HMCN2: variants seen among roughly 807,000 people sequenced by gnomAD.
The protein encoded by HMCN2 is hemicentin-2.
HMCN2 carries 325 observed loss-of-function variants against 377.5 expected under a neutral mutation model. That is an observed-to-expected ratio of 0.86 (90% CI 0.79 to 0.94). HMCN2 has a LOEUF of 0.94. Among genes scored for constraint, HMCN2 ranks in the 40% least tolerant of loss-of-function variants. The pLI is 0.00. For missense variants in HMCN2, 4,543 were observed against 4,725.3 expected, an observed-to-expected ratio of 0.96 and a Z score of 1.13; for synonymous variants, 2,007 against 2,046.8, an observed-to-expected ratio of 0.98 and a Z score of 0.53.
In HMCN2 at chr9:130,398,544, T is replaced by C; in HGVS notation, c.11327-7T>C. On this transcript the variant is annotated splice_polypyrimidine_tract_variant and splice_region_variant and intron_variant, in intron 74 of 97. Coordinates refer to ENST00000683500, the MANE Select transcript of HMCN2 (RefSeq NM_001291815.2). Reference sequence around the variant, plus strand: ...CACCTGTCTCCTGACCACTGTGCTCTCCCCAGAGCCTCCAGCCATCGCCCC... The same window carrying C: ...CACCTGTCTCCTGACCACTGTGCTCCCCCCAGAGCCTCCAGCCATCGCCCC... The C allele has an allele frequency of 8.2e-7, 1 of 1,212,542 alleles. No individual in the cohort carries two copies. The highest frequency in any genetic ancestry group is 1.1e-6 in the Non-Finnish European group (1 of 944,290). 75.1% of individuals were successfully genotyped at this position (1,212,542 alleles called of 1,614,324 possible).
intron 86 of HMCN2, among the ~76,000 whole-genome samples, chr9:130,420,065 C>CTTTTTTT (rs10586199): frequency 1.3e-4 from 10 of 77,026 alleles, no homozygotes; most frequent in East Asian, 4.1e-4. Context: ...CGTCCCACTT[C>CTTTTTTT]TTTTTTTTTT....
rs1021032814 is a variant in HMCN2, at chr9:130,284,639, T to C, written c.296T>C (p.Val99Ala). 4 of 471,058 alleles carry C rather than the reference T, an allele frequency of 8.5e-6. No individual in the cohort carries two copies. The highest frequency in any genetic ancestry group is 8.0e-5 in the African/African-American group (4 of 50,076). 29.2% of individuals were successfully genotyped at this position (471,058 alleles called of 1,614,324 possible). The change falls in exon 2 of 98, where the codon GTG becomes GCG. Residue 99 changes from valine (V) to alanine (A), a missense_variant. Transcript: ENST00000683500. Reference sequence around the variant, plus strand: ...GTGACCCTCACGGCGGACCCCACAGTGTTTCAGAGGGAGCTGAGAGAACTC... The same window carrying C: ...GTGACCCTCACGGCGGACCCCACAGCGTTTCAGAGGGAGCTGAGAGAACTC... ...GPVTLTADPTVFQRELRELYV... is the reference protein window; with the variant it reads ...GPVTLTADPTAFQRELRELYV...
At chr9:130,395,461 C>G (rs1265997207) in intron 71 of HMCN2, 114 bp downstream of exon 71, 3 of 908,394 alleles carry the variant, frequency 3.3e-6, no homozygotes, top group Non-Finnish European at 4.4e-6. Context: ...CTGAGCTGCA[C>G]TTTGCACCCT....
intron 83 of HMCN2, 98 bp downstream of exon 83, chr9:130,407,803 A>G: frequency 2.2e-6 from 2 of 925,246 alleles, no homozygotes; most frequent in African/African-American, 3.6e-5. Context: ...TGTCCTCTGA[A>G]CTAGTGGTTC....
intron 3 of HMCN2, among the ~76,000 whole-genome samples, chr9:130,285,580 C>T (rs148863446): frequency 2.1e-4 from 32 of 152,344 alleles, no homozygotes; most frequent in African/African-American, 6.7e-4. Flanking sequence ...GACCATACCA[C>T]CTACTCCTTT....
At position 130,348,858 on chromosome 9, in the gene HMCN2, C is replaced by T. The variant is rs901123365; in HGVS notation, c.4156-126C>T. The T allele has an allele frequency of 2.3e-5, 28 of 1,199,384 alleles. 1 individual carries two copies. Among genetic ancestry groups the T allele is most frequent in the African/African-American group, 2.0e-4 (13 of 63,856 alleles). 74.3% of individuals were successfully genotyped at this position (1,199,384 alleles called of 1,614,324 possible). On this transcript the variant is annotated intron_variant, in intron 27 of 97. Coordinates refer to ENST00000683500, the MANE Select transcript of HMCN2 (RefSeq NM_001291815.2). ...ATGTAGTGAAGCCTGGCAGGGGCTG[C>T]GTGGCAGAGAGCATGGCACCGTTCT...
At chr9:130,305,024 CTGT>C in intron 11 of HMCN2, 22 bp downstream of exon 11, 1 of 461,348 alleles carries the variant, frequency 2.2e-6, no homozygotes, top group Non-Finnish European at 4.6e-6. Flanking sequence ...CCTGCTGCTG[CTGT>C]TCCCCTAATT....
chr9:130,433,708 TGGC>T lies in HMCN2; in HGVS notation c.*19_*21del, dbSNP rs1244043097. ...ACCCCTACTAAACGGGAGAGGGCATTGGCGGCCGCCCTGGCGTGACCCCCGAGG... is the reference window on the plus strand; with the variant it reads ...ACCCCTACTAAACGGGAGAGGGCATTGGCCGCCCTGGCGTGACCCCCGAGG... On this transcript the variant is annotated 3_prime_UTR_variant, in exon 98 of 98. Coordinates refer to ENST00000683500, the MANE Select transcript of HMCN2 (RefSeq NM_001291815.2). 14 of 1,453,486 alleles carry T rather than the reference TGGC, an allele frequency of 9.6e-6. No homozygotes were observed. In the South Asian group the frequency reaches 1.9e-4, roughly 19 times the overall value. 90.0% of individuals were successfully genotyped at this position (1,453,486 alleles called of 1,614,324 possible). A position where few individuals can be genotyped will look rare whatever the true frequency, so the allele number is the denominator to read the frequency against.
At chr9:130,374,005 T>G (rs1194957607) in intron 48 of HMCN2, among the ~76,000 whole-genome samples, 1 of 149,984 alleles carries the variant, frequency 6.7e-6, no homozygotes, top group East Asian at 2.0e-4. Flanking sequence ...GATGGTTGGG[T>G]GGATGGATGA....
rs987117093 is a variant in HMCN2, at chr9:130,393,911, G to C, written c.10404G>C (p.Gln3468His). Residue 3468 changes from glutamine (Q) to histidine (H), a missense_variant, in exon 68 of 98, where the codon CAG becomes CAC. Physicochemically the swap from Gln to His is conservative, Grantham distance 24 (BLOSUM62 0). This residue lies in a region of HMCN2 where 1,073 missense variants were observed against 1,319.5 expected (regional missense o/e 0.81). Transcript: ENST00000683500. This position sits in a 1 kb window ranked among gnomAD's most constrained non-coding sequence, Gnocchi z 5.2. ...GCCTCGAGCAGGGGCCCAGCCTGCA[G>C]CTGGAGGCAGTGGGAGCTGGTGACT... ...SQSLEQGPSL[Q>H]LEAVGAGDSG... 1 of 1,289,350 alleles carries C rather than the reference G, an allele frequency of 7.8e-7. No individual in the cohort carries two copies. Among genetic ancestry groups the C allele is most frequent in the Admixed American group, 2.3e-5 (1 of 43,470 alleles). 79.9% of individuals were successfully genotyped at this position (1,289,350 alleles called of 1,614,324 possible).
chr9:130,312,115 G>C (rs1348663610), intron 15 of HMCN2, among the ~76,000 whole-genome samples: 1 of 152,206 alleles, frequency 6.6e-6, no homozygotes, highest in East Asian at 1.9e-4. Flanking sequence ...GGCACAGAGA[G>C]GTTTCATGTC....
intron 15 of HMCN2, among the ~76,000 whole-genome samples, chr9:130,311,411 T>C (rs1043122559): frequency 1.2e-4 from 18 of 152,124 alleles, no homozygotes; most frequent in Admixed American, 2.0e-4. Context: ...GTTCCGTCTT[T>C]CATTCCTTCA....
chr9:130,284,873 G>A (rs938631893), intron 2 of HMCN2, among the ~76,000 whole-genome samples, 200 bp downstream of exon 2: 3 of 152,222 alleles, frequency 2.0e-5, no homozygotes, highest in African/African-American at 4.8e-5. Flanking sequence ...TACTCGTCAC[G>A]GTGCTGGGCT....
chr9:130,407,598 G>A lies in HMCN2; in HGVS notation c.12581G>A (p.Ser4194Asn). The A allele has an allele frequency of 7.8e-7, 1 of 1,289,384 alleles. No homozygotes were observed. The highest frequency in any genetic ancestry group is 1.0e-6 in the Non-Finnish European group (1 of 988,612). The allele number at this position is 1,289,384 out of a possible 1,614,324, so 79.9% of individuals were successfully genotyped here. Residue 4194 changes from serine (S) to asparagine (N), a missense_variant, in exon 83 of 98, where the codon AGC becomes AAC. Ser to Asn is a conservative substitution (Grantham distance 46). This residue lies in a region of HMCN2 where 1,073 missense variants were observed against 1,319.5 expected (regional missense o/e 0.81). Coordinates refer to ENST00000683500, the MANE Select transcript of HMCN2 (RefSeq NM_001291815.2). Reference sequence around the variant, plus strand: ...GGGGTGTCTGAGCAGGATGGAGGCAGCACGCTGCAGCGGGCCGCTGTCTCC... The same window carrying A: ...GGGGTGTCTGAGCAGGATGGAGGCAACACGCTGCAGCGGGCCGCTGTCTCC... ...TEGVSEQDGG[S>N]TLQRAAVSRE...
chr9:130,306,773 C>G (rs1554936935), intron 12 of HMCN2, 38 bp from the exon 13 acceptor site: 1 of 451,048 alleles, frequency 2.2e-6, no homozygotes, highest in East Asian at 7.1e-5. Context: ...GGATCAACCC[C>G]TTTTGTGACC....
At chr9:130,409,806 GACCTCCAA>G (rs1435780539) in intron 84 of HMCN2, among the ~76,000 whole-genome samples, 1 of 152,166 alleles carries the variant, frequency 6.6e-6, no homozygotes. Context: ...ATGTTGGTCT[GACCTCCAA>G]ACCTACACTC....
rs934515362 is a variant in HMCN2 at position 130,433,681 on chromosome 9, C to A, written c.15228C>A (p.Pro5076=). The A allele has an allele frequency of 2.6e-5, 39 of 1,488,982 alleles. No individual in the cohort carries two copies. The highest frequency in any genetic ancestry group is 3.5e-5 in the Non-Finnish European group (39 of 1,123,238). The allele number at this position is 1,488,982 out of a possible 1,614,324, so 92.2% of individuals were successfully genotyped here. A position where few individuals can be genotyped will look rare whatever the true frequency, so the allele number is the denominator to read the frequency against. ...TCGTCTTGCTCATCGCCGTGTCCCC[C>A]TACCCCTACTAAACGGGAGAGGGCA... The part of the protein sequence containing the change: ...SVFVLLIAVS[P]YPY Residue 5076 remains proline, a synonymous_variant, in exon 98 of 98, where the codon CCC becomes CCA. Transcript: ENST00000683500.
rs781886882 is a variant in HMCN2 at position 130,265,993 on chromosome 9, C to G, written c.115C>G (p.Leu39Val). 1.3e-5 allele frequency: 6 copies of G among 470,034 alleles called. No homozygotes were observed. The highest frequency in any genetic ancestry group is 9.3e-5 in the South Asian group (6 of 64,520). The allele number at this position is 470,034 out of a possible 1,614,324, so 29.1% of individuals were successfully genotyped here. ...GCCCCCCACCACGGGGGACGCCACC[C>G]TGGCCTTCGTCTTCGACGTCACCGG... ...VMPPTTGDAT[L>V]AFVFDVTGSM... The change falls in exon 1 of 98, where the codon CTG (leucine) becomes GTG (valine). Residue 39 changes from leucine (L) to valine (V), a missense_variant. Coordinates refer to ENST00000683500, the MANE Select transcript of HMCN2 (RefSeq NM_001291815.2).
chr9:130,341,802 A>C lies in HMCN2; in HGVS notation c.3742+437A>C, dbSNP rs1050558350. Among the ~76,000 whole-genome samples, 3 of 152,244 alleles carry C rather than the reference A, an allele frequency of 2.0e-5. No homozygotes were observed. The South Asian group carries it at 6.2e-4, about 32-fold the overall frequency. ...GGGTCCAATAGTATGTGGGGGGTCCATGTGAGAGAGTGTGTGAAGCACCTG... is the reference window on the plus strand; with the variant it reads ...GGGTCCAATAGTATGTGGGGGGTCCCTGTGAGAGAGTGTGTGAAGCACCTG... On this transcript the variant is annotated intron_variant, in intron 24 of 97. Coordinates refer to ENST00000683500, the MANE Select transcript of HMCN2 (RefSeq NM_001291815.2).
Sources: gnomAD v4.1 joint callset for allele counts (sites outside exome capture counted in the v4.1 genomes callset) on GRCh38, gnomAD v4.1.1 for gene constraint, gnomAD v4.1.1 regional missense constraint, Gnocchi (gnomAD v3.1) non-coding constraint, MANE v1.5 for transcripts, NCBI Gene and HGNC (gene_info 2026-07-23, HGNC 2026-07-21) for gene names.